The following SYNE1 variants were observed in gnomAD, a reference collection of about 807,000 sequenced individuals.
The protein encoded by SYNE1 is spectrin repeat containing nuclear envelope protein 1, also known as nesprin-1.
In SYNE1, 616 loss-of-function variants were observed where a neutral mutation model predicts 1,111.0. The observed-to-expected ratio is 0.55, with a 90% CI of 0.52 to 0.59. SYNE1 has a LOEUF of 0.59. Among genes scored for constraint, SYNE1 ranks in the 20% least tolerant of loss-of-function variants. SYNE1 has a pLI of 0.00. For missense variants in SYNE1, 10,006 were observed against 10,417.0 expected (o/e 0.96, Z 1.72); for synonymous variants, 3,855 against 3,825.8 (o/e 1.01, Z -0.28).
At chr6:152,582,963 T>A (rs912955479) in intron 3 of SYNE1, among the ~76,000 whole-genome samples, 1 of 152,190 alleles carries the variant, frequency 6.6e-6, no homozygotes, top group African/African-American at 2.4e-5. Flanking sequence ...ATTTAGTAAT[T>A]GTTTTGCTAT....
intron 98 of SYNE1, among the ~76,000 whole-genome samples, chr6:152,275,870 G>C (rs2093583499): frequency 6.9e-6 from 1 of 144,140 alleles, no homozygotes; most frequent in Non-Finnish European, 1.5e-5. Context: ...GACAGAGCAA[G>C]ACCCTGTCTC....
chr6:152,462,701 A>T, intron 20 of SYNE1, 37 bp downstream of exon 20: 3 of 1,613,226 alleles, frequency 1.9e-6, no homozygotes, highest in Non-Finnish European at 2.5e-6. Flanking sequence ...CTCTCACAAC[A>T]GAGTAGGCTT....
At chr6:152,416,314 T>G in intron 41 of SYNE1, 73 bp downstream of exon 41, 1 of 1,598,432 alleles carries the variant, frequency 6.3e-7, no homozygotes, top group Non-Finnish European at 8.5e-7. Flanking sequence ...ACTAATAAAG[T>G]TTTGCATAAA....
At chr6:152,274,934 T>C (rs1346364469) in intron 98 of SYNE1, among the ~76,000 whole-genome samples, 1 of 152,184 alleles carries the variant, frequency 6.6e-6, no homozygotes, top group Non-Finnish European at 1.5e-5. Flanking sequence ...TCACCCAGGC[T>C]GCAGTGCAGT....
chr6:152,501,232 C>A (rs915384462), intron 10 of SYNE1, among the ~76,000 whole-genome samples: 1 of 151,868 alleles, frequency 6.6e-6, no homozygotes, highest in African/African-American at 2.4e-5. Flanking sequence ...AAATAGAATA[C>A]AATACTACTT....
chr6:152,448,849 C>CAAAA (rs1376632760), intron 28 of SYNE1, among the ~76,000 whole-genome samples: 1 of 144,466 alleles, frequency 6.9e-6, no homozygotes, highest in Admixed American at 6.7e-5. Flanking sequence ...AAAAAACAAA[C>CAAAA]AAACAAACAA....
Position 152,401,329 on chromosome 6 carries a change from C to A in SYNE1, c.6838G>T (p.Asp2280Tyr). ...GCATGCTCCAGTTTCTGCATTAAGT[C>A]TGCTTCTATAAACTAAATATCAAGC... ...TPPDLQFIEA[D>Y]LMQKLEHAKE... Residue 2280 changes from aspartate to tyrosine, a missense_variant, in exon 47 of 146, where the codon GAC (aspartate) becomes TAC (tyrosine). Asp to Tyr is a radical substitution (Grantham distance 160). Transcript: ENST00000367255. 6.2e-7 allele frequency: 1 copy of A among 1,613,726 alleles called. No individual in the cohort carries two copies. Among genetic ancestry groups the A allele is most frequent in the Non-Finnish European group, 8.5e-7 (1 of 1,179,980 alleles).
intron 3 of SYNE1, among the ~76,000 whole-genome samples, chr6:152,568,571 G>A (rs779511525): frequency 1.3e-5 from 2 of 152,088 alleles, no homozygotes; most frequent in African/African-American, 2.4e-5. Flanking sequence ...CCGAAGTGCT[G>A]GGATTACAGG....
chr6:152,314,488 A>C (rs7757046), intron 87 of SYNE1, among the ~76,000 whole-genome samples: 79,346 of 151,740 alleles, frequency 0.52, 21,074 homozygotes, highest in Admixed American at 0.6. Flanking sequence ...GGTTGAGCAC[A>C]CTCCTGTGGG....
chr6:152,619,479 A>G (rs1168426099), intron 3 of SYNE1, among the ~76,000 whole-genome samples: 2 of 73,676 alleles, frequency 2.7e-5, no homozygotes, highest in African/African-American at 1.1e-4. Context: ...TGTTCCAGAC[A>G]ATCCAGCACC....
intron 131 of SYNE1, among the ~76,000 whole-genome samples, chr6:152,156,735 G>A (rs776926085): frequency 2.0e-5 from 3 of 152,162 alleles, no homozygotes; most frequent in Non-Finnish European, 4.4e-5. Context: ...TACGGTTGGT[G>A]GAATCCACCA....
chr6:152,569,651 TG>T (rs1348327455), intron 3 of SYNE1, among the ~76,000 whole-genome samples: 1 of 151,858 alleles, frequency 6.6e-6, no homozygotes, highest in Non-Finnish European at 1.5e-5. Context: ...TGAGAAGAAA[TG>T]GAGGAAGAAA....
At chr6:152,203,596 C>T (rs1031732323) in intron 126 of SYNE1, among the ~76,000 whole-genome samples, 2 of 152,174 alleles carry the variant, frequency 1.3e-5, no homozygotes, top group African/African-American at 4.8e-5. Context: ...TATCATCAGT[C>T]TTTTCTTATC....
intron 130 of SYNE1, 84 bp downstream of exon 130, chr6:152,176,310 G>T: frequency 6.4e-7 from 1 of 1,569,466 alleles, no homozygotes; most frequent in Non-Finnish European, 8.8e-7. Flanking sequence ...CTGATTTATT[G>T]GATTATCTTT....
chr6:152,259,858 G>A (rs2091674208), intron 101 of SYNE1, among the ~76,000 whole-genome samples: 1 of 152,004 alleles, frequency 6.6e-6, no homozygotes, highest in Admixed American at 6.6e-5. Flanking sequence ...GCACTCAAAT[G>A]CAAAAATGTC....
At chr6:152,364,686 G>GAGGAAGGAGGAAGGAGGA (rs2097022658) in intron 63 of SYNE1, among the ~76,000 whole-genome samples, 161 bp downstream of exon 63, 1 of 108,012 alleles carries the variant, frequency 9.3e-6, no homozygotes, top group African/African-American at 3.8e-5. Context: ...AAGGAGGAAG[G>GAGGAAGGAGGAAGGAGGA]AGGAAGGAAG....
intron 111 of SYNE1, among the ~76,000 whole-genome samples, 200 bp from the exon 112 acceptor site, chr6:152,234,163 T>G (rs2083436194): frequency 6.6e-6 from 1 of 152,234 alleles, no homozygotes; most frequent in Non-Finnish European, 1.5e-5. Flanking sequence ...GAACTACTTG[T>G]AAGAGGCAGT....
chr6:152,350,853 G>A (rs2096729824), intron 70 of SYNE1, 83 bp from the exon 71 acceptor site: 3 of 1,488,384 alleles, frequency 2.0e-6, no homozygotes, highest in Non-Finnish European at 9.3e-7. Flanking sequence ...GTATGCAAGA[G>A]ATGATCTACC....
rs755885051 is a variant in SYNE1, at chr6:152,339,261, T to A, written c.12331A>T (p.Ile4111Phe). The change falls in exon 75 of 146, where the codon ATT becomes TTT. Residue 4111 changes from isoleucine to phenylalanine, a missense_variant. Around this residue, in one of 7 missense-constraint regions of SYNE1, gnomAD observed 4,955 missense variants for 5,017.2 expected, o/e 0.99. Transcript: ENST00000367255. ...CTTACCGTTTGCTCTGTTTGTTGAA[T>A]GTCTTTTGCTGTGGTTTTCACCGAA... ...NASVKTTAKD[I>F]QQTEQTIEQK... is the part of the protein sequence containing the mutation. 37 of 1,613,838 alleles carry A rather than the reference T, an allele frequency of 2.3e-5. No individual in the cohort carries two copies. Among genetic ancestry groups the A allele is most frequent in the Non-Finnish European group, 2.9e-5 (34 of 1,179,834 alleles).
Sources: gnomAD v4.1 joint callset for allele counts (sites outside exome capture counted in the v4.1 genomes callset) on GRCh38, gnomAD v4.1.1 for gene constraint, gnomAD v4.1.1 regional missense constraint, MANE v1.5 for transcripts, NCBI Gene and HGNC (gene_info 2026-07-23, HGNC 2026-07-21) for gene names.